Variants in MYO5B observed in about 807,000 individuals in gnomAD.
The protein encoded by MYO5B is unconventional myosin-Vb.
Under a neutral mutation model 229.3 loss-of-function variants are expected in MYO5B, and 143 were observed. The observed-to-expected ratio is 0.62, with a 90% CI of 0.54 to 0.72. MYO5B has a LOEUF of 0.72. Ranked by LOEUF, MYO5B falls within the 30% of genes least tolerant of loss-of-function variation. MYO5B has a pLI of 0.00. For synonymous variants in MYO5B, 918 were observed against 885.2 expected, an observed-to-expected ratio of 1.04 and a Z score of -0.66; for missense variants, 2,321 against 2,331.0, an observed-to-expected ratio of 1.00 and a Z score of 0.09.
chr18:50,077,359 G>A (rs2031108118), intron 1 of MYO5B, among the ~76,000 whole-genome samples: 1 of 152,006 alleles, frequency 6.6e-6, no homozygotes, highest in Non-Finnish European at 1.5e-5. Context: ...TTCACAGCAT[G>A]TTAGATTACA....
chr18:50,118,240 A>G (rs2031997833), intron 1 of MYO5B, among the ~76,000 whole-genome samples: 1 of 152,236 alleles, frequency 6.6e-6, no homozygotes, highest in Non-Finnish European at 1.5e-5. Context: ...CTGGCAAACT[A>G]GGATGGTTGG....
chr18:50,087,741 T>C (rs2031362517), intron 1 of MYO5B, among the ~76,000 whole-genome samples: 1 of 152,170 alleles, frequency 6.6e-6, no homozygotes, highest in African/African-American at 2.4e-5. Context: ...GGCTGTGTCA[T>C]GAAGCCCAGA....
At chr18:49,884,186 G>T (rs1234409835) in intron 22 of MYO5B, among the ~76,000 whole-genome samples, 2 of 152,042 alleles carry the variant, frequency 1.3e-5, no homozygotes, top group South Asian at 2.1e-4. Context: ...AAAGTGAAAG[G>T]GCAACCCACA....
At chr18:50,097,417 T>C (rs1333668064) in intron 1 of MYO5B, 3 of 368,718 alleles carry the variant, frequency 8.1e-6, no homozygotes, top group South Asian at 2.0e-5. Context: ...TTAATTGTAC[T>C]AATAAAACTT....
At chr18:50,022,969 T>C (rs955031853) in intron 4 of MYO5B, among the ~76,000 whole-genome samples, 2 of 152,160 alleles carry the variant, frequency 1.3e-5, no homozygotes, top group Non-Finnish European at 2.9e-5. Context: ...AGACCAGCAT[T>C]GTTGGAGGAG....
chr18:50,012,679 T>C (rs1275745722), intron 4 of MYO5B, among the ~76,000 whole-genome samples: 1 of 152,250 alleles, frequency 6.6e-6, no homozygotes, highest in Non-Finnish European at 1.5e-5. Context: ...AAGAAAGTGC[T>C]TCCCCTTCCA....
At chr18:50,142,661 C>A (rs763555519) in intron 1 of MYO5B, among the ~76,000 whole-genome samples, 8 of 152,168 alleles carry the variant, frequency 5.3e-5, no homozygotes, top group Non-Finnish European at 8.8e-5. Context: ...GTAGTGTGGG[C>A]ACCAAAGTTC....
intron 22 of MYO5B, among the ~76,000 whole-genome samples, chr18:49,882,626 C>CAAAAAAAAAAAAAAAAAAAAA (rs10683323): frequency 1.1e-5 from 1 of 93,830 alleles, no homozygotes; most frequent in African/African-American, 4.1e-5. Flanking sequence ...GAAATCATCT[C>CAAAAAAAAAAAAAAAAAAAAA]AAAAAAAAAA....
At chr18:49,923,811 G>C (rs563015887) in intron 17 of MYO5B, among the ~76,000 whole-genome samples, 109 of 152,212 alleles carry the variant, frequency 7.2e-4, no homozygotes, top group African/African-American at 2.5e-3. Flanking sequence ...ATATACTGAG[G>C]GGGGTCCCAG....
intron 1 of MYO5B, among the ~76,000 whole-genome samples, chr18:50,184,864 C>T (rs1269993086): frequency 1.4e-5 from 2 of 140,114 alleles, no homozygotes; most frequent in Non-Finnish European, 1.5e-5. Context: ...CATGGTGAGA[C>T]CCTATCTCTA....
At chr18:49,846,281 T>G (rs1201283859) in intron 33 of MYO5B, among the ~76,000 whole-genome samples, 1 of 152,170 alleles carries the variant, frequency 6.6e-6, no homozygotes, top group Non-Finnish European at 1.5e-5. Flanking sequence ...GTTATGTGCC[T>G]TGCAATTGAG....
intron 4 of MYO5B, among the ~76,000 whole-genome samples, chr18:50,017,830 C>A (rs1343932648): frequency 6.6e-6 from 1 of 152,186 alleles, no homozygotes; most frequent in African/African-American, 2.4e-5. Flanking sequence ...CCATGTAATA[C>A]CATTCATCAT....
At chr18:49,854,431 A>G (rs1468587600) in intron 30 of MYO5B, among the ~76,000 whole-genome samples, 1 of 152,226 alleles carries the variant, frequency 6.6e-6, no homozygotes, top group Non-Finnish European at 1.5e-5. Context: ...ATAGAAGGCA[A>G]GAGATTAATG....
chr18:50,043,419 AAAT>A (rs1473353936), intron 2 of MYO5B, among the ~76,000 whole-genome samples: 1 of 114,662 alleles, frequency 8.7e-6, no homozygotes, highest in African/African-American at 3.8e-5. Context: ...TTAAATATTT[AAAT>A]ATATTTAAAT....
At chr18:49,877,616 T>C (rs944556223) in intron 25 of MYO5B, 147 bp downstream of exon 25, 7 of 1,038,874 alleles carry the variant, frequency 6.7e-6, no homozygotes, top group Non-Finnish European at 1.0e-5. Context: ...TCCACTGTAG[T>C]CCAAGTGATC....
intron 1 of MYO5B, among the ~76,000 whole-genome samples, chr18:50,137,915 T>C (rs527804454): frequency 6.6e-6 from 1 of 152,178 alleles, no homozygotes; most frequent in Non-Finnish European, 1.5e-5. Flanking sequence ...CACTTATAAA[T>C]GGGAACTAAA....
At position 49,904,779 on chromosome 18, in the gene MYO5B, G is replaced by A. The variant is rs764893767; in HGVS notation, c.2464C>T (p.His822Tyr). The A allele has an allele frequency of 6.2e-6, 10 of 1,613,880 alleles. No homozygotes were observed. Among genetic ancestry groups the A allele is most frequent in the Non-Finnish European group, 7.6e-6 (9 of 1,180,050 alleles). Residue 822 changes from histidine (H) to tyrosine (Y), a missense_variant, in exon 20 of 40, where the codon CAT (histidine) becomes TAT (tyrosine). Physicochemically the swap from His to Tyr is moderately conservative, Grantham distance 83. Around this residue, in one of 2 missense-constraint regions of MYO5B, gnomAD observed 2,113 missense variants for 2,044.7 expected, o/e 1.03. Coordinates refer to ENST00000285039, the MANE Select transcript of MYO5B (RefSeq NM_001080467.3). ...TGGCGGGCCCTCTGCATGCGGTAAT[G>A]TTTCTGGAGCACCACAGCCGCTCTG... Reference protein sequence around the residue: ...RIRAAVVLQKHYRMQRARQAY... With the variant: ...RIRAAVVLQKYYRMQRARQAY...
intron 1 of MYO5B, among the ~76,000 whole-genome samples, chr18:50,104,779 A>G (rs1431199785): frequency 6.6e-6 from 1 of 152,196 alleles, no homozygotes; most frequent in Non-Finnish European, 1.5e-5. Context: ...TATCCAGGGA[A>G]TGAACAGACA....
chr18:50,039,902 G>T (rs1011164184), intron 3 of MYO5B, among the ~76,000 whole-genome samples: 1 of 152,082 alleles, frequency 6.6e-6, no homozygotes, highest in Non-Finnish European at 1.5e-5. Context: ...TAAGCCAGTC[G>T]CACCACATGG....
Sources: allele counts gnomAD v4.1 joint callset (sites outside exome capture counted in the v4.1 genomes callset), GRCh38; gene constraint gnomAD v4.1.1; regional missense constraint gnomAD v4.1.1; transcripts MANE v1.5; gene names NCBI Gene and HGNC (gene_info 2026-07-23, HGNC 2026-07-21).